CLCN3: variants seen among roughly 807,000 people sequenced by gnomAD.
CLCN3 encodes H(+)/Cl(-) exchange transporter 3.
CLCN3 carries 16 observed loss-of-function variants against 83.4 expected under a neutral mutation model. That is an observed-to-expected ratio of 0.19 (90% CI 0.13 to 0.29). The LOEUF (loss-of-function observed/expected upper bound fraction) is 0.29, where lower values mean the gene tolerates loss of function less well. Among genes scored for constraint, CLCN3 ranks in the 10% least tolerant of loss-of-function variants. The probability of loss-of-function intolerance (pLI) is 1.00; values close to 1 mark genes in which losing one functional copy is unlikely to be tolerated. For synonymous variants in CLCN3, 322 were observed against 346.2 expected, an observed-to-expected ratio of 0.93 and a Z score of 0.78; for missense variants, 544 against 1,006.0, an observed-to-expected ratio of 0.54 and a Z score of 6.21.
chr4:169,669,174 T>C (rs1731365030), intron 2 of CLCN3, among the ~76,000 whole-genome samples: 1 of 152,126 alleles, frequency 6.6e-6, no homozygotes, highest in Non-Finnish European at 1.5e-5. Context: ...ATATACCTGG[T>C]TATTAGTATT....
At chr4:169,666,047 A>G (rs1731233308) in intron 2 of CLCN3, among the ~76,000 whole-genome samples, 1 of 151,144 alleles carries the variant, frequency 6.6e-6, no homozygotes, top group South Asian at 2.1e-4. Context: ...TTATATTTGT[A>G]TTTTTGGGAA....
intron 12 of CLCN3, among the ~76,000 whole-genome samples, chr4:169,717,216 G>A (rs1733453694): frequency 6.6e-6 from 1 of 152,170 alleles, no homozygotes; most frequent in African/African-American, 2.4e-5. Context: ...AGAAGTGGCA[G>A]TCACAGCTCC....
At chr4:169,716,137 A>G (rs1003268503) in intron 12 of CLCN3, among the ~76,000 whole-genome samples, 5 of 152,160 alleles carry the variant, frequency 3.3e-5, no homozygotes, top group African/African-American at 9.6e-5. Flanking sequence ...AATGTTTTAT[A>G]TGAGCCACAT....
At chr4:169,678,299 C>T (rs779743907) in intron 2 of CLCN3, among the ~76,000 whole-genome samples, 1 of 152,338 alleles carries the variant, frequency 6.6e-6, no homozygotes, top group Non-Finnish European at 1.5e-5. Flanking sequence ...TGTTGACACT[C>T]GGGCTTGACT....
chr4:169,718,823 T>C (rs1052634268), intron 12 of CLCN3, among the ~76,000 whole-genome samples: 2 of 152,230 alleles, frequency 1.3e-5, no homozygotes, highest in Admixed American at 6.5e-5. Flanking sequence ...CAGAATATTA[T>C]CGTAGCTACT....
rs1358059039 is a variant in CLCN3, at chr4:169,635,897, T to C, written c.-16-16T>C. 4.0e-6 allele frequency: 6 copies of C among 1,505,180 alleles called. No individual in the cohort carries two copies. 93.2% of individuals were successfully genotyped at this position (1,505,180 alleles called of 1,614,324 possible). On this transcript the variant is annotated splice_polypyrimidine_tract_variant and intron_variant, in intron 1 of 12. Coordinates refer to ENST00000513761, the MANE Select transcript of CLCN3 (RefSeq NM_001829.4). Reference sequence around the variant, plus strand: ...TATGTTTGAAAAATGTTAAAACTACTTTTTCCCCCCCACAGATAATCAGAC... The same window carrying C: ...TATGTTTGAAAAATGTTAAAACTACCTTTTCCCCCCCACAGATAATCAGAC...
At chr4:169,658,388 G>A (rs1730948507) in intron 2 of CLCN3, among the ~76,000 whole-genome samples, 1 of 151,928 alleles carries the variant, frequency 6.6e-6, no homozygotes, top group African/African-American at 2.4e-5. Flanking sequence ...CATTCTTTAT[G>A]ATCAAGTTGT....
At chr4:169,705,648 G>C (rs1048917710) in intron 10 of CLCN3, among the ~76,000 whole-genome samples, 1 of 152,248 alleles carries the variant, frequency 6.6e-6, no homozygotes, top group South Asian at 2.1e-4. Context: ...TATAGGGTAG[G>C]TATGTAATAC....
rs1365558501 is a variant in CLCN3, at chr4:169,620,741, T to G, written c.-339T>G. 1.3e-5 allele frequency: 5 copies of G among 398,488 alleles called. No homozygotes were observed. Among genetic ancestry groups the G allele is most frequent in the African/African-American group, 2.1e-5 (1 of 48,610 alleles). 24.7% of individuals were successfully genotyped at this position (398,488 alleles called of 1,614,324 possible). On this transcript the variant is annotated 5_prime_UTR_variant, in exon 1 of 13. Transcript: ENST00000513761. ...TTAGAGCATGGATTCAGTTTTAGTC[T>G]TAAGGGGGAAGTGAGATTGGAGATT...
At chr4:169,683,745 T>A (rs1400911436) in intron 3 of CLCN3, among the ~76,000 whole-genome samples, 1 of 131,406 alleles carries the variant, frequency 7.6e-6, no homozygotes, top group East Asian at 2.2e-4. Flanking sequence ...TTAAAATTAA[T>A]TTTTTTTTTT....
In CLCN3 at chr4:169,722,922, A is replaced by T. The variant is rs1733684684; in HGVS notation, c.*2925A>T. The T allele has an allele frequency of 6.6e-6, 1 of 152,222 alleles. No homozygotes were observed. Among genetic ancestry groups the T allele is most frequent in the African/African-American group, 2.4e-5 (1 of 41,460 alleles). 9.4% of individuals were successfully genotyped at this position (152,222 alleles called of 1,614,324 possible). A position where few individuals can be genotyped will look rare whatever the true frequency, so the allele number is the denominator to read the frequency against. On this transcript the variant is annotated 3_prime_UTR_variant, in exon 13 of 13. Transcript: ENST00000513761. ...TGGCTAATTGGCAAATTAATTTACC[A>T]ATATAATAAGTGTAGCGCCTTGTTT...
chr4:169,653,690 T>C (rs1730802475), intron 2 of CLCN3, among the ~76,000 whole-genome samples: 2 of 147,788 alleles, frequency 1.4e-5, no homozygotes, highest in African/African-American at 5.0e-5. Flanking sequence ...GCAGGCTGTA[T>C]AGGAAGCATA....
chr4:169,697,882 A>G (rs1466907732), intron 9 of CLCN3, 148 bp downstream of exon 9: 1 of 636,828 alleles, frequency 1.6e-6, no homozygotes, highest in African/African-American at 1.8e-5. Flanking sequence ...ATAATTCCTT[A>G]GCATATATTG....
At chr4:169,710,268 G>A (rs531941652) in intron 11 of CLCN3, among the ~76,000 whole-genome samples, 2 of 152,206 alleles carry the variant, frequency 1.3e-5, no homozygotes, top group Admixed American at 6.5e-5. Context: ...AAGAATAAAA[G>A]TGATTTATTT....
chr4:169,664,178 T>C (rs1731164039), intron 2 of CLCN3, among the ~76,000 whole-genome samples: 1 of 152,150 alleles, frequency 6.6e-6, no homozygotes, highest in Admixed American at 6.6e-5. Context: ...AGGTGGAAGT[T>C]GGAAGAGTGG....
chr4:169,694,715 T>C (rs1459199500), intron 7 of CLCN3, among the ~76,000 whole-genome samples: 1 of 152,110 alleles, frequency 6.6e-6, no homozygotes, highest in African/African-American at 2.4e-5. Flanking sequence ...GGCAGGCGCC[T>C]GTAATCCCAG....
intron 2 of CLCN3, among the ~76,000 whole-genome samples, chr4:169,636,943 T>C (rs868279525): frequency 2.0e-5 from 3 of 152,068 alleles, no homozygotes; most frequent in African/African-American, 7.2e-5. Flanking sequence ...AATTACCCTA[T>C]TCAAAGATAC....
intron 1 of CLCN3, among the ~76,000 whole-genome samples, chr4:169,630,078 A>T (rs868698735): frequency 3.3e-5 from 5 of 151,758 alleles, no homozygotes; most frequent in African/African-American, 9.7e-5. Context: ...TTGTTAAATA[A>T]AGGGATACTT....
chr4:169,628,784 A>G (rs11937417), intron 1 of CLCN3, among the ~76,000 whole-genome samples: 53,336 of 152,104 alleles, frequency 0.35, 9,538 homozygotes, highest in South Asian at 0.4. Flanking sequence ...TGACCCAACT[A>G]TTGTACTCTG....
Sources: gnomAD v4.1 joint callset for allele counts (sites outside exome capture counted in the v4.1 genomes callset) on GRCh38, gnomAD v4.1.1 for gene constraint, MANE v1.5 for transcripts, NCBI Gene and HGNC (gene_info 2026-07-23, HGNC 2026-07-21) for gene names.